IMMP2L: variants seen among roughly 807,000 people sequenced by gnomAD.
IMMP2L encodes the protein mitochondrial inner membrane protease subunit 2.
Under a neutral mutation model 19.3 loss-of-function variants are expected in IMMP2L, and 18 were observed. That is an observed-to-expected ratio of 0.93 (90% CI 0.64 to 1.38). The LOEUF is 1.38. Ranked by LOEUF, IMMP2L falls within the 40% of genes most tolerant of loss-of-function variation. The pLI is 0.00. For synonymous variants in IMMP2L, 76 were observed against 73.0 expected (o/e 1.04, Z -0.21); for missense variants, 233 against 218.2 (o/e 1.07, Z -0.43).
chr7:110,968,581 G>T (rs1819803606), intron 3 of IMMP2L, among the ~76,000 whole-genome samples: 1 of 152,120 alleles, frequency 6.6e-6, no homozygotes, highest in South Asian at 2.1e-4. Flanking sequence ...GCTGAGTTAG[G>T]TGGATTGCTT....
At chr7:111,233,557 A>C (rs1372118385) in intron 3 of IMMP2L, among the ~76,000 whole-genome samples, 1 of 152,130 alleles carries the variant, frequency 6.6e-6, no homozygotes, top group African/African-American at 2.4e-5. Flanking sequence ...AACTTGACTA[A>C]GAAAAAAAGT....
At chr7:111,522,938 T>TATATATATATATATA (rs199823915) in intron 1 of IMMP2L, among the ~76,000 whole-genome samples, 11 of 148,828 alleles carry the variant, frequency 7.4e-5, no homozygotes, top group African/African-American at 2.8e-4. Flanking sequence ...TATATATATA[T>TATATATATATATATA]TATTTCACCA....
chr7:111,397,110 T>G (rs1832954960), intron 3 of IMMP2L, among the ~76,000 whole-genome samples: 1 of 151,858 alleles, frequency 6.6e-6, no homozygotes, highest in South Asian at 2.1e-4. Flanking sequence ...AAAACATTTT[T>G]CACTATAAGA....
At chr7:111,059,561 T>C (rs1280286847) in intron 3 of IMMP2L, among the ~76,000 whole-genome samples, 2 of 152,196 alleles carry the variant, frequency 1.3e-5, no homozygotes, top group African/African-American at 2.4e-5. Context: ...GAGGGGTCTA[T>C]GTTATTATCA....
chr7:111,446,928 G>C (rs4366021), intron 3 of IMMP2L, among the ~76,000 whole-genome samples: 2 of 144,158 alleles, frequency 1.4e-5, no homozygotes, highest in African/African-American at 2.6e-5. Context: ...CTCAGGAGCC[G>C]ATGCGATCAA....
At chr7:111,117,894 C>G (rs962532907) in intron 3 of IMMP2L, among the ~76,000 whole-genome samples, 1 of 151,994 alleles carries the variant, frequency 6.6e-6, no homozygotes, top group African/African-American at 2.4e-5. Flanking sequence ...TTATAATACA[C>G]ATAATAAAGT....
chr7:111,036,127 T>G (rs1791323431), intron 3 of IMMP2L, among the ~76,000 whole-genome samples: 1 of 152,198 alleles, frequency 6.6e-6, no homozygotes, highest in Non-Finnish European at 1.5e-5. Context: ...AAATATGGCA[T>G]TTTAGAACTA....
chr7:110,716,407 C>T (rs10260203), intron 5 of IMMP2L, among the ~76,000 whole-genome samples: 132,367 of 152,036 alleles, frequency 0.87, 57,801 homozygotes, highest in Middle Eastern at 0.91. Context: ...GGGCTATGTA[C>T]GTAAGTGTGT....
chr7:111,438,781 A>G (rs762765072), intron 3 of IMMP2L, among the ~76,000 whole-genome samples: 18 of 151,812 alleles, frequency 1.2e-4, no homozygotes, highest in Non-Finnish European at 2.6e-4. Context: ...GTTACTAAAC[A>G]CAGCCCTCTC....
intron 3 of IMMP2L, among the ~76,000 whole-genome samples, chr7:111,166,266 T>A (rs907642349): frequency 3.3e-5 from 5 of 152,000 alleles, no homozygotes; most frequent in Non-Finnish European, 7.4e-5. Flanking sequence ...CTACATAGAT[T>A]TAAATTCTAG....
At chr7:111,211,684 G>A (rs1179331287) in intron 3 of IMMP2L, among the ~76,000 whole-genome samples, 2 of 152,192 alleles carry the variant, frequency 1.3e-5, no homozygotes, top group Non-Finnish European at 2.9e-5. Flanking sequence ...ACTGTGCAAA[G>A]AGGTTGGAAT....
intron 5 of IMMP2L, among the ~76,000 whole-genome samples, chr7:110,858,784 T>C (rs536740200): frequency 6.6e-6 from 1 of 151,888 alleles, no homozygotes; most frequent in African/African-American, 2.4e-5. Flanking sequence ...CCCCAGAGTG[T>C]GATGTTCCCC....
chr7:111,001,992 G>A (rs1174641241), intron 3 of IMMP2L, among the ~76,000 whole-genome samples: 2 of 151,594 alleles, frequency 1.3e-5, no homozygotes, highest in African/African-American at 4.9e-5. Context: ...AAATTACAAG[G>A]AAACTGAGCA....
chr7:110,949,937 T>C lies in IMMP2L; in HGVS notation c.305+13563A>G, dbSNP rs190331881. ...ATGTAAGAAACAAGCACATATACCC[T>C]ATGAATCTAAAATAAAAATTTTTAA... On this transcript the variant is annotated intron_variant, in intron 4 of 5. Coordinates refer to ENST00000405709, the MANE Select transcript of IMMP2L (RefSeq NM_032549.4). Among the ~76,000 whole-genome samples, 253 of 152,246 alleles carry C rather than the reference T, an allele frequency of 1.7e-3. 1 individual carries two copies. The highest frequency in any genetic ancestry group is 6.0e-3 in the African/African-American group (248 of 41,568).
At chr7:111,351,676 T>C (rs1297210448) in intron 3 of IMMP2L, among the ~76,000 whole-genome samples, 4 of 152,156 alleles carry the variant, frequency 2.6e-5, no homozygotes, top group Non-Finnish European at 1.5e-5. Context: ...GTGGCTATAA[T>C]GTGATTCCAA....
At chr7:111,233,551 T>C (rs1407283908) in intron 3 of IMMP2L, among the ~76,000 whole-genome samples, 2 of 152,108 alleles carry the variant, frequency 1.3e-5, no homozygotes, top group Non-Finnish European at 2.9e-5. Context: ...TTCAAAAACT[T>C]GACTAAGAAA....
rs1431413314 is a variant in IMMP2L, at chr7:111,013,227, T to C, written c.240-49662A>G. ...GCCACGATAATAACTTCAGTATTAG[T>C]ACTAAGAGCAATTGAGAACCACTTA... On this transcript the variant is annotated intron_variant, in intron 3 of 5. Transcript: ENST00000405709. Among the ~76,000 whole-genome samples the C allele has an allele frequency of 2.0e-5, 3 of 152,144 alleles. No individual in the cohort carries two copies. The East Asian group carries it at 5.8e-4, about 29-fold the overall frequency.
At chr7:111,375,621 G>A (rs1228044982) in intron 3 of IMMP2L, among the ~76,000 whole-genome samples, 2 of 151,870 alleles carry the variant, frequency 1.3e-5, no homozygotes, top group Non-Finnish European at 2.9e-5. Flanking sequence ...CACTTCCCGG[G>A]TCAAGCAATT....
chr7:110,857,877 TAA>T (rs1806967067), intron 5 of IMMP2L, among the ~76,000 whole-genome samples: 2 of 152,006 alleles, frequency 1.3e-5, no homozygotes, highest in South Asian at 4.1e-4. Flanking sequence ...TAAAAAATAT[TAA>T]AAAGACACTG....
Sources: allele counts gnomAD v4.1 joint callset (sites outside exome capture counted in the v4.1 genomes callset), GRCh38; gene constraint gnomAD v4.1.1; transcripts MANE v1.5; gene names NCBI Gene and HGNC (gene_info 2026-07-23, HGNC 2026-07-21).